The following GALNT13 variants were observed in gnomAD, a reference collection of about 807,000 sequenced individuals.
The protein encoded by GALNT13 is UDP-GalNAc:polypeptide N-acetylgalactosaminyltransferase 13.
A neutral mutation model predicts 64.2 loss-of-function variants in GALNT13; 28 were observed. The ratio of observed to expected loss-of-function variants is 0.44; its 90% CI spans 0.32 to 0.60. The LOEUF is 0.60. Among genes scored for constraint, GALNT13 ranks in the 20% least tolerant of loss-of-function variants. The pLI, the probability that GALNT13 is intolerant of heterozygous loss-of-function variation, is 0.05. For missense variants in GALNT13, 577 were observed against 669.8 expected, an observed-to-expected ratio of 0.86 and a Z score of 1.53; for synonymous variants, 214 against 224.6, an observed-to-expected ratio of 0.95 and a Z score of 0.42.
intron 3 of GALNT13, among the ~76,000 whole-genome samples, chr2:154,019,996 C>G (rs1697329417): frequency 6.6e-6 from 1 of 152,080 alleles, no homozygotes; most frequent in Non-Finnish European, 1.5e-5. Context: ...ATGATGGTTT[C>G]CATTTTCATC....
At chr2:154,118,890 T>C (rs1681766883) in intron 3 of GALNT13, among the ~76,000 whole-genome samples, 1 of 152,152 alleles carries the variant, frequency 6.6e-6, no homozygotes, top group Non-Finnish European at 1.5e-5. Flanking sequence ...TGGTAACATT[T>C]TTATTATGTA....
At chr2:154,241,256 A>G (rs563901194) in intron 4 of GALNT13, among the ~76,000 whole-genome samples, 1 of 152,236 alleles carries the variant, frequency 6.6e-6, no homozygotes, top group South Asian at 2.1e-4. Flanking sequence ...TTTGGGCAGG[A>G]AATGCCTGTC....
At chr2:154,204,543 C>G (rs983222394) in intron 4 of GALNT13, among the ~76,000 whole-genome samples, 6 of 152,112 alleles carry the variant, frequency 3.9e-5, no homozygotes, top group Non-Finnish European at 7.4e-5. Context: ...TTCTCCTTTT[C>G]CCAGTTGAAT....
chr2:153,157,870 C>A, the GALNT13 span, among the ~76,000 whole-genome samples: 7 of 152,110 alleles, frequency 4.6e-5, no homozygotes, highest in African/African-American at 1.4e-4. Flanking sequence ...GTAAATATAT[C>A]TTTTCCTGAG....
chr2:154,006,901 A>G (rs963089414), intron 3 of GALNT13, among the ~76,000 whole-genome samples: 4 of 152,270 alleles, frequency 2.6e-5, no homozygotes, highest in African/African-American at 9.6e-5. Flanking sequence ...AGTGACCCAC[A>G]TTTTTTGTCA....
At chr2:154,340,268 CT>C (rs1695686094) in intron 9 of GALNT13, among the ~76,000 whole-genome samples, 1 of 151,860 alleles carries the variant, frequency 6.6e-6, no homozygotes, top group Non-Finnish European at 1.5e-5. Flanking sequence ...ACTTATTTAC[CT>C]TTTAGAGACA....
At chr2:153,570,196 G>C in the GALNT13 span, among the ~76,000 whole-genome samples, 6 of 152,100 alleles carry the variant, frequency 3.9e-5, no homozygotes, top group African/African-American at 1.4e-4. Flanking sequence ...CTGATGATCA[G>C]TGATGTTGAG....
the GALNT13 span, among the ~76,000 whole-genome samples, chr2:153,245,978 A>G: frequency 2.0e-5 from 3 of 152,132 alleles, no homozygotes; most frequent in African/African-American, 4.8e-5. Flanking sequence ...GCTGAAAAAC[A>G]CAGAATAAGA....
At chr2:153,181,244 T>C in the GALNT13 span, among the ~76,000 whole-genome samples, 1 of 151,764 alleles carries the variant, frequency 6.6e-6, no homozygotes, top group Non-Finnish European at 1.5e-5. Context: ...ATTTCTCTTT[T>C]AATTTCTTCA....
the GALNT13 span, among the ~76,000 whole-genome samples, chr2:153,423,238 A>G: frequency 6.6e-6 from 1 of 151,946 alleles, no homozygotes; most frequent in African/African-American, 2.4e-5. Flanking sequence ...CATGTAATTT[A>G]TCACTAAGAA....
At chr2:153,612,151 G>A in the GALNT13 span, among the ~76,000 whole-genome samples, 15 of 152,046 alleles carry the variant, frequency 9.9e-5, no homozygotes, top group African/African-American at 3.1e-4. Context: ...ATTGTTTCGC[G>A]CCAGTTAGAA....
the GALNT13 span, among the ~76,000 whole-genome samples, chr2:153,604,102 A>T: frequency 1.3e-5 from 2 of 152,024 alleles, no homozygotes; most frequent in African/African-American, 4.8e-5. Flanking sequence ...TTAACCAGGA[A>T]AAGCTCTTAA....
intron 4 of GALNT13, among the ~76,000 whole-genome samples, chr2:154,197,978 C>T (rs570939425): frequency 2.3e-4 from 35 of 151,766 alleles, no homozygotes; most frequent in Admixed American, 3.9e-4. Context: ...TTATATTCAT[C>T]AGATTCACAC....
At chr2:153,801,721 T>C in the GALNT13 span, among the ~76,000 whole-genome samples, 1 of 152,172 alleles carries the variant, frequency 6.6e-6, no homozygotes, top group Non-Finnish European at 1.5e-5. Flanking sequence ...CACCCATTGT[T>C]GGAAAATTGG....
At chr2:154,186,892 T>C (rs867671912) in intron 4 of GALNT13, among the ~76,000 whole-genome samples, 1 of 152,218 alleles carries the variant, frequency 6.6e-6, no homozygotes, top group Middle Eastern at 3.4e-3. Context: ...CAAGTTTATA[T>C]ATGGTAACAA....
intron 3 of GALNT13, among the ~76,000 whole-genome samples, chr2:154,130,417 C>G (rs921260525): frequency 6.6e-6 from 1 of 152,144 alleles, no homozygotes; most frequent in African/African-American, 2.4e-5. Context: ...AACAAAGTTT[C>G]ACAGTCCAGC....
At chr2:154,124,553 C>T (rs921060062) in intron 3 of GALNT13, among the ~76,000 whole-genome samples, 1 of 151,848 alleles carries the variant, frequency 6.6e-6, no homozygotes, top group African/African-American at 2.4e-5. Flanking sequence ...GCCTAGACCA[C>T]CTGTTTTCTA....
In GALNT13 at chr2:154,115,439, G is replaced by T. The variant is rs530865481; in HGVS notation, c.143-24898G>T. On this transcript the variant is annotated intron_variant, in intron 3 of 12. Coordinates refer to ENST00000392825, the MANE Select transcript of GALNT13 (RefSeq NM_052917.4). ...ATCATTTATCTATTTATTTTTTTTT[G>T]AGATAGAGTCTCCCTCTGACACCCA... is the stretch of plus-strand genomic sequence containing the variant. Among the ~76,000 whole-genome samples, 724 of 150,042 alleles carry T rather than the reference G, an allele frequency of 4.8e-3. 5 individuals carry two copies. The highest frequency in any genetic ancestry group is 0.017 in the African/African-American group (682 of 40,818).
intron 9 of GALNT13, among the ~76,000 whole-genome samples, chr2:154,383,445 C>T (rs894186118): frequency 1.3e-5 from 2 of 151,856 alleles, no homozygotes; most frequent in African/African-American, 4.8e-5. Context: ...AGATAGTCAA[C>T]AATTGACTAT....
Sources: allele counts gnomAD v4.1 joint callset (sites outside exome capture counted in the v4.1 genomes callset), GRCh38; gene constraint gnomAD v4.1.1; transcripts MANE v1.5; gene names NCBI Gene and HGNC (gene_info 2026-07-23, HGNC 2026-07-21).